Variants in HSPG2 observed in about 807,000 individuals in gnomAD.
HSPG2 encodes the protein heparan sulfate proteoglycan 2.
A neutral mutation model predicts 526.6 loss-of-function variants in HSPG2; 278 were observed. The ratio of observed to expected loss-of-function variants is 0.53; its 90% CI spans 0.48 to 0.58. The LOEUF is 0.58. HSPG2 is among the 20% of genes least tolerant of loss of function. HSPG2 has a pLI of 0.00. For synonymous variants in HSPG2, 2,465 were observed against 2,555.4 expected (o/e 0.96, Z 1.07); for missense variants, 5,354 against 6,099.5 (o/e 0.88, Z 4.07).
At position 21,874,819 on chromosome 1, in the gene HSPG2, A is replaced by C. The variant is rs1572321127; in HGVS notation, c.3414+72T>G. The C allele has an allele frequency of 9.3e-6, 14 of 1,511,662 alleles. No homozygotes were observed. The South Asian group carries it at 1.6e-4, about 18-fold the overall frequency. The allele number at this position is 1,511,662 out of a possible 1,614,324, so 93.6% of individuals were successfully genotyped here. On this transcript the variant is annotated intron_variant, in intron 26 of 96. Coordinates refer to ENST00000374695, the MANE Select transcript of HSPG2 (RefSeq NM_005529.7). ...GATGGCCAGGGCTGGGGAGGTGTGG[A>C]GGGCTCATGGAGAAGGAGCGGGAAG...
intron 1 of HSPG2, among the ~76,000 whole-genome samples, chr1:21,933,519 G>A (rs17467346): frequency 0.033 from 5,094 of 152,246 alleles, 118 homozygotes; most frequent in Non-Finnish European, 0.047. Flanking sequence ...TTGCTCACCC[G>A]TCTTCCGGGC....
rs139944523 is a variant in HSPG2 at position 21,861,756 on chromosome 1, C to T, written c.4955+1G>A. 3 of 1,613,822 alleles carry T rather than the reference C, an allele frequency of 1.9e-6. No individual in the cohort carries two copies. The highest frequency in any genetic ancestry group is 1.1e-5 in the South Asian group (1 of 91,068). ...CCCCCTACTTCTGTTTACAAACTTA[C>T]TGCTCACAGTACTGGCCAGTGTAGC... is the stretch of plus-strand genomic sequence containing the variant. On this transcript the variant is annotated splice_donor_variant, in intron 39 of 96. Transcript: ENST00000374695. LOFTEE classifies it high-confidence loss of function.
chr1:21,913,012 G>C (rs1055035636), intron 1 of HSPG2, among the ~76,000 whole-genome samples: 3 of 151,702 alleles, frequency 2.0e-5, no homozygotes, highest in African/African-American at 7.3e-5. Flanking sequence ...TATGTATACA[G>C]AGTGTTAAGA....
Position 21,854,285 on chromosome 1 carries a change from A to C in HSPG2, c.6347T>G (p.Val2116Gly), listed in dbSNP as rs1373201750. ...QVSPADSGEY[V>G]CRVENGSGPK... ...GCCCGATCCATTCTCCACACGGCAC[A>C]CATATTCTCCAGAATCAGCTGGTGA... is the stretch of plus-strand genomic sequence containing the variant. The change falls in exon 50 of 97, where the codon GTG (valine) becomes GGG (glycine). Residue 2116 changes from valine to glycine, a missense_variant. By Grantham distance (109) the Val-to-Gly change is moderately radical. Coordinates refer to ENST00000374695, the MANE Select transcript of HSPG2 (RefSeq NM_005529.7). 6.3e-7 allele frequency: 1 copy of C among 1,576,896 alleles called. No homozygotes were observed. The highest frequency in any genetic ancestry group is 1.9e-5 in the Admixed American group (1 of 54,022).
chr1:21,888,148 T>G (rs1572370941), intron 6 of HSPG2, 82 bp from the exon 7 acceptor site: 2 of 1,582,124 alleles, frequency 1.3e-6, no homozygotes, highest in Admixed American at 3.4e-5. Flanking sequence ...GTGGCTGGAG[T>G]GGGCTCCAGG....
chr1:21,897,943 C>T (rs1642866827), intron 1 of HSPG2, among the ~76,000 whole-genome samples: 1 of 152,172 alleles, frequency 6.6e-6, no homozygotes, highest in African/African-American at 2.4e-5. Context: ...GACCTCAACC[C>T]CAGTCTGGTT....
rs776661885 is a variant in HSPG2, at chr1:21,872,823, C to T, written c.3889-63G>A. On this transcript the variant is annotated intron_variant, in intron 31 of 96. Transcript: ENST00000374695. This position sits in a 1 kb window ranked among gnomAD's most constrained non-coding sequence, Gnocchi z 5.5. ...AGTGGGTCTCCTGCACCCCCAGCAG[C>T]CTGAGGCCAGCCTCCCTGGCCACTT... 2.5e-6 allele frequency: 4 copies of T among 1,584,044 alleles called. No homozygotes were observed. In the Admixed American group the frequency reaches 7.3e-5, roughly 29 times the overall value.
In HSPG2 at chr1:21,864,187, G is replaced by A. The variant is rs922057886; in HGVS notation, c.4653C>T (p.Thr1551=). 1.5e-5 allele frequency: 24 copies of A among 1,553,346 alleles called. No homozygotes were observed. Among genetic ancestry groups the A allele is most frequent in the Admixed American group, 5.8e-5 (3 of 51,410 alleles). The change falls in exon 37 of 97, where the codon ACC becomes ACT. Residue 1551 remains threonine (T), a synonymous_variant. Coordinates refer to ENST00000374695, the MANE Select transcript of HSPG2 (RefSeq NM_005529.7). The surrounding 1 kb of genome is among the most constrained non-coding windows in gnomAD (Gnocchi z 4.8). ...CQDCAPGYTR[T]GSGLYLGHCE... ...AGTGGCCGAGGTAGAGCCCACTCCC[G>A]GTGCGCGTGTAGCCGGGGGCACAGT... is the stretch of plus-strand genomic sequence containing the variant.
In HSPG2 at chr1:21,857,331, A is replaced by G. The variant is rs1031570794; in HGVS notation, c.5348T>C (p.Val1783Ala). The G allele has an allele frequency of 1.1e-5, 17 of 1,613,914 alleles. No individual in the cohort carries two copies. The highest frequency in any genetic ancestry group is 1.7e-5 in the Admixed American group (1 of 60,000). Residue 1783 changes from valine to alanine, a missense_variant, in exon 43 of 97, where the codon GTG (valine) becomes GCG (alanine). Coordinates refer to ENST00000374695, the MANE Select transcript of HSPG2 (RefSeq NM_005529.7). Reference sequence around the variant, plus strand: ...GAAGGTGACGTCAGCTCCGGGGCGCACGCTCTGGCTCCGCTGCTCCTCCAC... The same window carrying G: ...GAAGGTGACGTCAGCTCCGGGGCGCGCGCTCTGGCTCCGCTGCTCCTCCAC... ...VTVEEQRSQS[V>A]RPGADVTFIC...
Position 21,895,059 on chromosome 1 carries a change from T to C in HSPG2, c.244+863A>G, listed in dbSNP as rs998048558. On this transcript the variant is annotated intron_variant, in intron 3 of 96. Transcript: ENST00000374695. This position sits in a 1 kb window ranked among gnomAD's most constrained non-coding sequence, Gnocchi z 4.1. ...GATATGTCAGCTAAAGGGAGGTGACTCCACCCCTGAAGTAGGCCCAGGCCA... is the reference window on the plus strand; with the variant it reads ...GATATGTCAGCTAAAGGGAGGTGACCCCACCCCTGAAGTAGGCCCAGGCCA... 6.6e-6 allele frequency among the ~76,000 whole-genome samples: 1 copy of C among 152,196 alleles called. No homozygotes were observed. Among genetic ancestry groups the C allele is most frequent in the African/African-American group, 2.4e-5 (1 of 41,458 alleles).
chr1:21,831,834 T>C (rs1354734511), intron 81 of HSPG2, 38 bp from the exon 82 acceptor site: 2 of 1,561,006 alleles, frequency 1.3e-6, no homozygotes, highest in Middle Eastern at 1.8e-4. Context: ...AGAGAGTGGA[T>C]AGGGGGTTTG....
Position 21,859,237 on chromosome 1 carries a change from CA to C in HSPG2, c.5293+328del, listed in dbSNP as rs1639579287. Among the ~76,000 whole-genome samples, 1 of 152,016 alleles carries C rather than the reference CA, an allele frequency of 6.6e-6. No individual in the cohort carries two copies. Among genetic ancestry groups the C allele is most frequent in the Non-Finnish European group, 1.5e-5 (1 of 68,006 alleles). ...CTAATTTTTTCATTTGTACTAGAGA[CA>C]GGGTTTTACGACGTTGGCCAGGCTG... is the stretch of plus-strand genomic sequence containing the variant. On this transcript the variant is annotated intron_variant, in intron 42 of 96. Coordinates refer to ENST00000374695, the MANE Select transcript of HSPG2 (RefSeq NM_005529.7). The surrounding 1 kb of genome is among the most constrained non-coding windows in gnomAD (Gnocchi z 5.3).
chr1:21,911,442 G>A (rs1226772535), intron 1 of HSPG2, among the ~76,000 whole-genome samples: 1 of 151,824 alleles, frequency 6.6e-6, no homozygotes, highest in African/African-American at 2.4e-5. Flanking sequence ...TCAGGGCCAA[G>A]GGCCCCAGAG....
intron 1 of HSPG2, chr1:21,908,001 G>T: frequency 1.5e-6 from 1 of 648,982 alleles, no homozygotes; most frequent in East Asian, 2.9e-5. Flanking sequence ...GTTAAATACA[G>T]ATGTAAAATG....
rs143543800 is a variant in HSPG2, at chr1:21,834,901, C to T, written c.10498G>A (p.Val3500Met). ...LINIRTSVQTVVVGHAVEFEC... is the reference protein window; with the variant it reads ...LINIRTSVQTMVVGHAVEFEC... Reference sequence around the variant, plus strand: ...AACTCCACGGCGTGGCCAACCACCACGGTCTGCACAGAGGTCCGGATGTTG... The same window carrying T: ...AACTCCACGGCGTGGCCAACCACCATGGTCTGCACAGAGGTCCGGATGTTG... Residue 3500 changes from valine to methionine, a missense_variant, in exon 77 of 97, where the codon GTG becomes ATG. Physicochemically the swap from Val to Met is conservative, Grantham distance 21. Coordinates refer to ENST00000374695, the MANE Select transcript of HSPG2 (RefSeq NM_005529.7). 5,961 of 1,613,400 alleles carry T rather than the reference C, an allele frequency of 3.7e-3. 27 individuals carry two copies. Among genetic ancestry groups the T allele is most frequent in the Middle Eastern group, 6.9e-3 (42 of 6,056 alleles).
In HSPG2 at chr1:21,867,322, C is replaced by T. The variant is rs74733816; in HGVS notation, c.4222-1513G>A. 1.3e-3 allele frequency among the ~76,000 whole-genome samples: 192 copies of T among 152,072 alleles called. 1 individual carries two copies. The highest frequency in any genetic ancestry group is 4.4e-3 in the African/African-American group (184 of 41,492). ...GCTGGTCTCAACTCCTGGCCTGAAG[C>T]GATTTTTCAGCCTCAGTCTCCCAAA... On this transcript the variant is annotated intron_variant, in intron 33 of 96. Transcript: ENST00000374695.
At chr1:21,906,065 G>A (rs937229096) in intron 1 of HSPG2, among the ~76,000 whole-genome samples, 1 of 152,198 alleles carries the variant, frequency 6.6e-6, no homozygotes, top group Non-Finnish European at 1.5e-5. Flanking sequence ...GGAGCCTGAG[G>A]CTCAGAGAGC....
chr1:21,852,877 A>ATCCAGCCCC, intron 51 of HSPG2, 42 bp downstream of exon 51: 3 of 1,611,662 alleles, frequency 1.9e-6, no homozygotes, highest in Non-Finnish European at 2.5e-6. Context: ...GAACAGTCCC[A>ATCCAGCCCC]TCCAGCCCCT....
Position 21,827,738 on chromosome 1 carries a change from T to C in HSPG2, c.12589+125A>G. 11 of 1,042,900 alleles carry C rather than the reference T, an allele frequency of 1.1e-5. No individual in the cohort carries two copies. The South Asian group carries it at 1.5e-4, about 14-fold the overall frequency. 64.6% of individuals were successfully genotyped at this position (1,042,900 alleles called of 1,614,324 possible). ...CTCCACATGGCTGTGGTCTTCATTC[T>C]GTCTCTCTGCCCAGCAAGCTCCTCA... On this transcript the variant is annotated intron_variant, in intron 91 of 96. Coordinates refer to ENST00000374695, the MANE Select transcript of HSPG2 (RefSeq NM_005529.7).
Sources: gnomAD v4.1 joint callset for allele counts (sites outside exome capture counted in the v4.1 genomes callset) on GRCh38, gnomAD v4.1.1 for gene constraint, Gnocchi (gnomAD v3.1) non-coding constraint, MANE v1.5 for transcripts, NCBI Gene and HGNC (gene_info 2026-07-23, HGNC 2026-07-21) for gene names.